Variants in SHANK2 observed in about 807,000 individuals in gnomAD.
SHANK2 encodes the protein SH3 and multiple ankyrin repeat domains protein 2.
Under a neutral mutation model 133.7 loss-of-function variants are expected in SHANK2, and 43 were observed. The ratio of observed to expected loss-of-function variants is 0.32; its 90% CI spans 0.25 to 0.41. The LOEUF (loss-of-function observed/expected upper bound fraction) is 0.41. Among genes scored for constraint, SHANK2 ranks in the 10% least tolerant of loss-of-function variants. SHANK2 has a pLI of 1.00. For synonymous variants in SHANK2, 1,017 were observed against 952.8 expected (o/e 1.07, Z -1.24); for missense variants, 1,994 against 2,235.8 (o/e 0.89, Z 2.18).
At chr11:70,521,640 G>T (rs1449782261) in intron 17 of SHANK2, among the ~76,000 whole-genome samples, 1 of 152,224 alleles carries the variant, frequency 6.6e-6, no homozygotes, top group Non-Finnish European at 1.5e-5. Context: ...GTTTCTGTAT[G>T]TGTATGTGTG....
chr11:70,501,834 G>C, intron 20 of SHANK2, 89 bp downstream of exon 20: 2 of 1,364,450 alleles, frequency 1.5e-6, no homozygotes, highest in Non-Finnish European at 2.0e-6. Flanking sequence ...GCTCACACAG[G>C]CCTCCGAGGC....
intron 17 of SHANK2, among the ~76,000 whole-genome samples, chr11:70,654,935 T>G (rs1275955927): frequency 6.6e-6 from 1 of 152,050 alleles, no homozygotes; most frequent in Non-Finnish European, 1.5e-5. Context: ...GCCCAGCTAA[T>G]TTTTTGTATT....
At chr11:70,942,402 A>G (rs1950660583) in intron 10 of SHANK2, among the ~76,000 whole-genome samples, 1 of 152,120 alleles carries the variant, frequency 6.6e-6, no homozygotes. Context: ...GAACAAACCC[A>G]TTCCCATGAG....
intron 8 of SHANK2, among the ~76,000 whole-genome samples, chr11:71,078,789 T>C: frequency 6.6e-6 from 1 of 152,358 alleles, no homozygotes; most frequent in African/African-American, 2.4e-5. Context: ...ACCTGCCCCA[T>C]AATTTGCATG....
intron 3 of SHANK2, among the ~76,000 whole-genome samples, chr11:71,129,298 G>T (rs1952250852): frequency 6.6e-6 from 1 of 152,174 alleles, no homozygotes; most frequent in South Asian, 2.1e-4. Flanking sequence ...CTACAGCAAT[G>T]ATTCTGGCGA....
intron 17 of SHANK2, among the ~76,000 whole-genome samples, chr11:70,556,916 T>C (rs2059839721): frequency 6.6e-6 from 1 of 151,948 alleles, no homozygotes; most frequent in Admixed American, 6.6e-5. Flanking sequence ...AGAGATGGGG[T>C]CTTGCTGTGT....
chr11:70,815,173 GAAACACACAC>G (rs1348505992), intron 12 of SHANK2, among the ~76,000 whole-genome samples: 3 of 118,052 alleles, frequency 2.5e-5, no homozygotes, highest in African/African-American at 6.5e-5. Flanking sequence ...GATGGGAGAA[GAAACACACAC>G]ACACACACAC....
chr11:70,848,230 T>C (rs1949026544), intron 11 of SHANK2, among the ~76,000 whole-genome samples: 1 of 152,216 alleles, frequency 6.6e-6, no homozygotes, highest in Non-Finnish European at 1.5e-5. Flanking sequence ...ATGTGAAATC[T>C]CCTGATTTTA....
intron 17 of SHANK2, among the ~76,000 whole-genome samples, chr11:70,605,308 A>G (rs1461714055): frequency 2.0e-5 from 3 of 152,248 alleles, no homozygotes; most frequent in Non-Finnish European, 4.4e-5. Flanking sequence ...AGCCTCCTGC[A>G]GCCCAGCCCG....
intron 21 of SHANK2, among the ~76,000 whole-genome samples, chr11:70,495,647 T>C (rs1204093968): frequency 6.6e-6 from 1 of 152,172 alleles, no homozygotes; most frequent in Non-Finnish European, 1.5e-5. Context: ...GGGACCTGCT[T>C]CCTGACAGTG....
At position 70,895,199 on chromosome 11, in the gene SHANK2, G is replaced by A. The variant is rs377681304; in HGVS notation, c.1174+1302C>T. 5.3e-5 allele frequency among the ~76,000 whole-genome samples: 8 copies of A among 152,216 alleles called. No individual in the cohort carries two copies. In the East Asian group the frequency reaches 9.6e-4, roughly 18 times the overall value. On this transcript the variant is annotated intron_variant, in intron 11 of 25. Transcript: ENST00000601538. ...GCCATGCATCTGGCTCTGCATCCTC[G>A]TGCGGTTCTCCAAGGCGGGGTAGGT...
chr11:70,485,483 A>C lies in SHANK2; in HGVS notation c.4810T>G (p.Leu1604Val). The change falls in exon 25 of 26, where the codon TTG (leucine) becomes GTG (valine). Residue 1604 changes from leucine (L) to valine (V), a missense_variant. This residue lies in a region of SHANK2 where 797 missense variants were observed against 907.4 expected (regional missense o/e 0.88). Coordinates refer to ENST00000601538, the MANE Select transcript of SHANK2 (RefSeq NM_012309.5). This position sits in a 1 kb window ranked among gnomAD's most constrained non-coding sequence, Gnocchi z 5.8. ...TTGATCTCTGTGACGTCGCCCCACA[A>C]CTTGGAGGTCCTTGGCTGGAGAACC... ...AKVLQPRTSK[L>V]WGDVTEIKSP... is the part of the protein sequence containing the mutation. 6.2e-7 allele frequency: 1 copy of C among 1,612,974 alleles called. No individual in the cohort carries two copies. The highest frequency in any genetic ancestry group is 8.5e-7 in the Non-Finnish European group (1 of 1,179,760).
rs12293995 is a variant in SHANK2, at chr11:70,583,450, G to A, written c.2061+76378C>T. Among the ~76,000 whole-genome samples the A allele has an allele frequency of 3.6e-3, 549 of 152,292 alleles. 4 individuals are homozygous for A. Among genetic ancestry groups the A allele is most frequent in the African/African-American group, 0.013 (521 of 41,568 alleles). ...GGCAGAGGGAGTCCAGTCCTGCCCT[G>A]TGCCTACAGCACAGCAAGTGCTCGG... is the stretch of plus-strand genomic sequence containing the variant. On this transcript the variant is annotated intron_variant, in intron 17 of 25. Transcript: ENST00000601538.
At chr11:70,780,576 A>ATTT (rs35733465) in intron 14 of SHANK2, among the ~76,000 whole-genome samples, 36 of 140,862 alleles carry the variant, frequency 2.6e-4, no homozygotes, top group African/African-American at 7.7e-4. Flanking sequence ...CTGGTAATGC[A>ATTT]TTTTTTTTTT....
rs545919615 is a variant in SHANK2 at position 70,467,970 on chromosome 11, C to A, written c.*4899G>T. Reference sequence around the variant, plus strand: ...TCAACATTTCATAGCTCGAACCGTCCTTTCTTTACGTTGTGCATTGATATG... The same window carrying A: ...TCAACATTTCATAGCTCGAACCGTCATTTCTTTACGTTGTGCATTGATATG... On this transcript the variant is annotated 3_prime_UTR_variant, in exon 26 of 26. Transcript: ENST00000601538. 1 of 152,730 alleles carries A rather than the reference C, an allele frequency of 6.5e-6. No homozygotes were observed. The highest frequency in any genetic ancestry group is 6.5e-5 in the Admixed American group (1 of 15,304). The allele number at this position is 152,730 out of a possible 1,614,324, so 9.5% of individuals were successfully genotyped here.
intron 6 of SHANK2, among the ~76,000 whole-genome samples, chr11:71,100,226 A>C (rs4262749): frequency 0.69 from 104,828 of 151,912 alleles, 36,325 homozygotes; most frequent in South Asian, 0.77. Flanking sequence ...CAAAACTAAA[A>C]ACGCACTTAC....
At chr11:71,081,553 A>C (rs1951301236) in intron 8 of SHANK2, among the ~76,000 whole-genome samples, 4 of 152,106 alleles carry the variant, frequency 2.6e-5, no homozygotes, top group Admixed American at 2.6e-4. Context: ...GACCTGCCAA[A>C]GTGCAGAGGG....
intron 17 of SHANK2, among the ~76,000 whole-genome samples, chr11:70,593,053 C>T (rs1216461749): frequency 1.3e-5 from 2 of 152,226 alleles, no homozygotes; most frequent in African/African-American, 2.4e-5. Context: ...AAACTTCCCA[C>T]GTCTGTCTGG....
At chr11:70,565,203 C>T (rs1303637850) in intron 17 of SHANK2, among the ~76,000 whole-genome samples, 3 of 143,276 alleles carry the variant, frequency 2.1e-5, no homozygotes, top group African/African-American at 7.9e-5. Flanking sequence ...GTTAAGTCAC[C>T]TGGAAGCAGT....
Sources: allele counts gnomAD v4.1 joint callset (sites outside exome capture counted in the v4.1 genomes callset), GRCh38; gene constraint gnomAD v4.1.1; regional missense constraint gnomAD v4.1.1; non-coding constraint Gnocchi (gnomAD v3.1); transcripts MANE v1.5; gene names NCBI Gene and HGNC (gene_info 2026-07-23, HGNC 2026-07-21).